Variants in MYH11 observed in about 807,000 individuals in gnomAD.
MYH11 encodes the protein myosin heavy chain 11, also known as myosin-11.
In MYH11, 80 loss-of-function variants were observed where a neutral mutation model predicts 246.6. The ratio of observed to expected loss-of-function variants is 0.32; its 90% CI spans 0.27 to 0.39. The LOEUF is 0.39. Among genes scored for constraint, MYH11 ranks in the 10% least tolerant of loss-of-function variants. The pLI is 1.00. For missense variants in MYH11, 2,158 were observed against 2,546.8 expected (o/e 0.85, Z 3.29); for synonymous variants, 1,071 against 1,015.5 (o/e 1.05, Z -1.04).
chr16:15,760,605 A>G lies in MYH11; in HGVS notation c.1183T>C (p.Ser395Pro). ...ACCTTGATACGAGGAGTGAGGATGG[A>G]TCTGGTGAAATCTGTCACATTAATT... ...MGINVTDFTR[S>P]ILTPRIKVGR... The change falls in exon 11 of 41, where the codon TCC (serine) becomes CCC (proline). Residue 395 changes from serine to proline, a missense_variant. Around this residue, in one of 11 missense-constraint regions of MYH11, gnomAD observed 317 missense variants for 507.7 expected, o/e 0.62. Transcript: ENST00000300036. 1.2e-6 allele frequency: 2 copies of G among 1,614,168 alleles called. No individual in the cohort carries two copies. Among genetic ancestry groups the G allele is most frequent in the Non-Finnish European group, 1.7e-6 (2 of 1,180,016 alleles).
At chr16:15,820,486 AAAAAAAG>A (rs1256974521) in intron 3 of MYH11, among the ~76,000 whole-genome samples, 68 of 151,986 alleles carry the variant, frequency 4.5e-4, no homozygotes, top group Non-Finnish European at 7.1e-4. Flanking sequence ...AAAAAAAAAA[AAAAAAAG>A]AAAGAAAGAA....
chr16:15,778,225 A>G (rs1294663640), intron 7 of MYH11, among the ~76,000 whole-genome samples: 1 of 152,198 alleles, frequency 6.6e-6, no homozygotes, highest in African/African-American at 2.4e-5. Flanking sequence ...CGATACCAGC[A>G]TTCTTCTGGG....
chr16:15,746,210 A>ACACCTG (rs2041414629), intron 19 of MYH11, among the ~76,000 whole-genome samples: 1 of 151,876 alleles, frequency 6.6e-6, no homozygotes, highest in African/African-American at 2.4e-5. Context: ...TACAGGTGTC[A>ACACCTG]GCTACCACAC....
At chr16:15,805,686 T>TG (rs2042993119) in intron 3 of MYH11, among the ~76,000 whole-genome samples, 1 of 151,610 alleles carries the variant, frequency 6.6e-6, no homozygotes, top group South Asian at 2.1e-4. Context: ...CTGAGGCAGG[T>TG]GGATTGCTTG....
intron 3 of MYH11, among the ~76,000 whole-genome samples, chr16:15,800,414 G>A (rs2042854189): frequency 1.3e-5 from 2 of 151,616 alleles, no homozygotes; most frequent in Admixed American, 1.3e-4. Flanking sequence ...AAGGAAGGAT[G>A]GATGGATAGA....
At chr16:15,742,206 A>C in intron 20 of MYH11, 1 of 467,872 alleles carries the variant, frequency 2.1e-6, no homozygotes, top group Non-Finnish European at 4.0e-6. Context: ...AAAGGTACAA[A>C]GTGAAAGGAA....
chr16:15,850,405 G>A (rs762399257), intron 1 of MYH11, among the ~76,000 whole-genome samples: 1 of 151,948 alleles, frequency 6.6e-6, no homozygotes, highest in African/African-American at 2.4e-5. Flanking sequence ...TAAATAAATA[G>A]TAAATTAAAT....
At chr16:15,725,490 G>T in intron 28 of MYH11, 2 of 428,140 alleles carry the variant, frequency 4.7e-6, no homozygotes, top group Non-Finnish European at 8.2e-6. Flanking sequence ...AGAGACGCAG[G>T]CCCTAAAGGT....
At position 15,759,564 on chromosome 16, in the gene MYH11, A is replaced by C. The variant is rs748394977; in HGVS notation, c.1401+12T>G. On this transcript the variant is annotated intron_variant, in intron 12 of 40. Coordinates refer to ENST00000300036, the MANE Select transcript of MYH11 (RefSeq NM_002474.3). ...CCAAGACCATGGCTCTTAGGATCCC[A>C]CCGAGCTGTACCTCAAAGATCTCAA... 8.7e-6 allele frequency: 14 copies of C among 1,614,034 alleles called. No homozygotes were observed. In the East Asian group the frequency reaches 2.9e-4, roughly 33 times the overall value.
chr16:15,793,265 A>C (rs2042657743), intron 4 of MYH11, among the ~76,000 whole-genome samples: 1 of 151,984 alleles, frequency 6.6e-6, no homozygotes, highest in Middle Eastern at 3.2e-3. Flanking sequence ...TTCAGCTTTC[A>C]GTTTCCTTCC....
intron 3 of MYH11, among the ~76,000 whole-genome samples, chr16:15,813,462 C>T (rs964559076): frequency 2.0e-5 from 3 of 152,020 alleles, no homozygotes; most frequent in African/African-American, 7.3e-5. Flanking sequence ...TTTAAAATTC[C>T]TAATCTGGTC....
intron 2 of MYH11, among the ~76,000 whole-genome samples, chr16:15,832,396 C>T (rs964796721): frequency 1.3e-5 from 2 of 151,890 alleles, no homozygotes; most frequent in Non-Finnish European, 2.9e-5. Context: ...TGAAGCAGGG[C>T]GTGTGTGAGT....
intron 7 of MYH11, 57 bp from the exon 8 acceptor site, chr16:15,776,233 C>T (rs912203986): frequency 3.9e-5 from 45 of 1,153,306 alleles, no homozygotes; most frequent in Admixed American, 1.0e-4. Context: ...TCTGGTCTTC[C>T]ACCTCCATCC....
chr16:15,773,290 A>AT (rs34265896), intron 8 of MYH11, among the ~76,000 whole-genome samples: 1,930 of 128,598 alleles, frequency 0.015, 55 homozygotes, highest in African/African-American at 0.029. Flanking sequence ...TCCTCCAGCT[A>AT]TTTTTTTTTT....
chr16:15,759,743 C>G lies in MYH11; in HGVS notation c.1249-15G>C. On this transcript the variant is annotated splice_polypyrimidine_tract_variant and intron_variant, in intron 11 of 40. Transcript: ENST00000300036. ...GCAAAGTCAGCCTGCAGAGGGCAAC[C>G]AGGGGAACCCGGTTATTCTCAATGG... The G allele has an allele frequency of 6.2e-7, 1 of 1,613,608 alleles. No homozygotes were observed. The highest frequency in any genetic ancestry group is 8.5e-7 in the Non-Finnish European group (1 of 1,179,862).
At chr16:15,721,278 C>CT (rs2040464073) in intron 32 of MYH11, 144 bp downstream of exon 32, 2 of 1,062,228 alleles carry the variant, frequency 1.9e-6, no homozygotes, top group Non-Finnish European at 2.8e-6. Flanking sequence ...CTCCCAGCCC[C>CT]TGCACCAGTC....
chr16:15,730,399 G>A (rs1376147855), intron 27 of MYH11, among the ~76,000 whole-genome samples: 5 of 151,070 alleles, frequency 3.3e-5, no homozygotes, highest in Non-Finnish European at 5.9e-5. Context: ...AAAATTAGCC[G>A]GGCATGGTGG....
intron 1 of MYH11, among the ~76,000 whole-genome samples, chr16:15,850,909 G>T (rs777396811): frequency 1.3e-5 from 2 of 151,826 alleles, no homozygotes; most frequent in Non-Finnish European, 2.9e-5. Flanking sequence ...AGAAAAAAAA[G>T]AAAAAAGAAA....
At chr16:15,829,753 C>A (rs1364634312) in intron 2 of MYH11, among the ~76,000 whole-genome samples, 2 of 152,162 alleles carry the variant, frequency 1.3e-5, no homozygotes, top group African/African-American at 4.8e-5. Flanking sequence ...AGCCACAGAG[C>A]CCTGAGCAGG....
Sources: gnomAD v4.1 joint callset for allele counts (sites outside exome capture counted in the v4.1 genomes callset) on GRCh38, gnomAD v4.1.1 for gene constraint, gnomAD v4.1.1 regional missense constraint, MANE v1.5 for transcripts, NCBI Gene and HGNC (gene_info 2026-07-23, HGNC 2026-07-21) for gene names.